Variants in SLX4IP observed in about 807,000 individuals in gnomAD.
SLX4IP encodes the protein protein SLX4IP.
SLX4IP carries 34 observed loss-of-function variants against 32.9 expected under a neutral mutation model. The observed-to-expected ratio is 1.03, with a 90% CI of 0.79 to 1.38. The LOEUF is 1.38. Among genes scored for constraint, SLX4IP ranks in the 40% most tolerant of loss-of-function variants. The probability of loss-of-function intolerance (pLI) is 0.00; values close to 1 mark genes in which losing one functional copy is unlikely to be tolerated. For missense variants in SLX4IP, 444 were observed against 479.0 expected, an observed-to-expected ratio of 0.93 and a Z score of 0.68; for synonymous variants, 172 against 171.7, an observed-to-expected ratio of 1.00 and a Z score of -0.01.
At chr20:10,592,353 C>T (rs865842912) in intron 4 of SLX4IP, among the ~76,000 whole-genome samples, 1 of 151,830 alleles carries the variant, frequency 6.6e-6, no homozygotes, top group Non-Finnish European at 1.5e-5. Flanking sequence ...CCAACCCCCC[C>T]CCATCACCAG....
intron 1 of SLX4IP, among the ~76,000 whole-genome samples, chr20:10,452,608 G>A (rs151016063): frequency 0.059 from 8,908 of 149,780 alleles, 315 homozygotes; most frequent in Admixed American, 0.086. Flanking sequence ...AGAGGTTGCA[G>A]TGAGCTGAGA....
chr20:10,612,365 C>T (rs1461284222), intron 6 of SLX4IP, among the ~76,000 whole-genome samples: 2 of 152,202 alleles, frequency 1.3e-5, no homozygotes, highest in East Asian at 1.9e-4. Context: ...CTCCGTTTCA[C>T]CTCTGTGCTG....
chr20:10,438,345 A>G (rs1452901687), intron 1 of SLX4IP, among the ~76,000 whole-genome samples: 1 of 152,078 alleles, frequency 6.6e-6, no homozygotes, highest in Non-Finnish European at 1.5e-5. Flanking sequence ...CATCAAGATA[A>G]TGAAGGTATC....
At chr20:10,579,915 A>T (rs1272968621) in intron 4 of SLX4IP, among the ~76,000 whole-genome samples, 3 of 152,192 alleles carry the variant, frequency 2.0e-5, no homozygotes, top group African/African-American at 7.2e-5. Flanking sequence ...CAGTGCAAAC[A>T]TGATTTTAAA....
intron 2 of SLX4IP, among the ~76,000 whole-genome samples, chr20:10,518,850 G>A (rs1418815098): frequency 1.3e-5 from 2 of 152,134 alleles, no homozygotes; most frequent in South Asian, 2.1e-4. Context: ...GATTACAGGT[G>A]TGAGCTACCA....
At chr20:10,597,233 G>C (rs117652816) in intron 4 of SLX4IP, among the ~76,000 whole-genome samples, 3,121 of 152,282 alleles carry the variant, frequency 0.02, 41 homozygotes, top group Non-Finnish European at 0.033. Flanking sequence ...ATTACTTCCT[G>C]CAACTCTTGG....
intron 2 of SLX4IP, among the ~76,000 whole-genome samples, chr20:10,509,678 C>A (rs1041155321): frequency 1.3e-5 from 2 of 151,864 alleles, no homozygotes; most frequent in African/African-American, 4.8e-5. Flanking sequence ...GTTGGTCCCG[C>A]ATTGGGATGA....
intron 1 of SLX4IP, among the ~76,000 whole-genome samples, chr20:10,450,733 T>C (rs920639670): frequency 1.3e-5 from 2 of 152,230 alleles, no homozygotes; most frequent in Admixed American, 6.5e-5. Flanking sequence ...TAATTATCAA[T>C]ACTCATCGAA....
intron 1 of SLX4IP, among the ~76,000 whole-genome samples, chr20:10,444,169 G>A (rs1234674442): frequency 1.1e-5 from 1 of 87,464 alleles, no homozygotes. Context: ...GGAAGTACAA[G>A]GATAGAGATT....
chr20:10,437,083 T>G (rs899318986), intron 1 of SLX4IP, among the ~76,000 whole-genome samples: 2 of 152,152 alleles, frequency 1.3e-5, no homozygotes, highest in Non-Finnish European at 2.9e-5. Context: ...CAAAGCTTTT[T>G]GTGGCACCTT....
At chr20:10,562,780 A>T (rs1187008057) in intron 4 of SLX4IP, among the ~76,000 whole-genome samples, 1 of 152,196 alleles carries the variant, frequency 6.6e-6, no homozygotes, top group African/African-American at 2.4e-5. Context: ...TCCATTGTGT[A>T]TACATACAGC....
At chr20:10,488,870 A>G (rs1368803101) in intron 2 of SLX4IP, among the ~76,000 whole-genome samples, 2 of 152,202 alleles carry the variant, frequency 1.3e-5, no homozygotes, top group South Asian at 2.1e-4. Context: ...TCAAGTTGAC[A>G]CACTGAACAA....
intron 2 of SLX4IP, among the ~76,000 whole-genome samples, chr20:10,519,707 T>TA (rs1313022104): frequency 2.0e-5 from 3 of 152,252 alleles, no homozygotes; most frequent in Non-Finnish European, 4.4e-5. Context: ...TGTATATTCT[T>TA]ACATGCTTTC....
chr20:10,448,397 T>C (rs1210680670), intron 1 of SLX4IP, among the ~76,000 whole-genome samples: 1 of 152,224 alleles, frequency 6.6e-6, no homozygotes, highest in Non-Finnish European at 1.5e-5. Flanking sequence ...AATTAAATGC[T>C]GAGGCTTAAA....
In SLX4IP at chr20:10,627,202, G is replaced by A. The variant is rs775165688; in HGVS notation, c.*3823G>A. ...CTCAAAGTTCTCTTTTCAGCGTGCT[G>A]TGACTTGAATATGGAAATCATTTTA... On this transcript the variant is annotated 3_prime_UTR_variant, in exon 8 of 8. Coordinates refer to ENST00000334534, the MANE Select transcript of SLX4IP (RefSeq NM_001009608.3). 1 of 152,200 alleles carries A rather than the reference G, an allele frequency of 6.6e-6. No homozygotes were observed. Among genetic ancestry groups the A allele is most frequent in the Non-Finnish European group, 1.5e-5 (1 of 68,034 alleles). The allele number at this position is 152,200 out of a possible 1,614,324, so 9.4% of individuals were successfully genotyped here.
chr20:10,516,822 G>A (rs1478445685), intron 2 of SLX4IP, among the ~76,000 whole-genome samples: 2 of 152,140 alleles, frequency 1.3e-5, no homozygotes, highest in African/African-American at 4.8e-5. Context: ...AAAAATGTCT[G>A]GGCTGTTATA....
intron 2 of SLX4IP, among the ~76,000 whole-genome samples, chr20:10,502,125 G>A (rs1674133547): frequency 6.6e-6 from 1 of 152,176 alleles, no homozygotes; most frequent in South Asian, 2.1e-4. Context: ...CACTGGCAAA[G>A]ATTTGTAATC....
chr20:10,626,190 ATTTTTTTTTTT>A lies in SLX4IP; in HGVS notation c.*2826_*2836del, dbSNP rs71186105. 1.0e-4 allele frequency: 8 copies of A among 77,056 alleles called. No individual in the cohort carries two copies. The East Asian group carries it at 3.6e-3, about 35-fold the overall frequency. The allele number at this position is 77,056 out of a possible 1,614,324, so 4.8% of individuals were successfully genotyped here. The stretch of plus-strand genomic sequence containing the variant: ...CCACCACGCCCGGCTAATTTTTTGT[ATTTTTTTTTTT>A]TTTTTTTTTTTTTTAGCAGAAACGG... On this transcript the variant is annotated 3_prime_UTR_variant, in exon 8 of 8. Transcript: ENST00000334534.
chr20:10,605,127 T>A (rs190964104), intron 6 of SLX4IP, among the ~76,000 whole-genome samples: 14 of 152,370 alleles, frequency 9.2e-5, no homozygotes, highest in African/African-American at 2.9e-4. Flanking sequence ...TTATTTATTA[T>A]TTCTTTGTTA....
Sources: allele counts gnomAD v4.1 joint callset (sites outside exome capture counted in the v4.1 genomes callset), GRCh38; gene constraint gnomAD v4.1.1; transcripts MANE v1.5; gene names NCBI Gene and HGNC (gene_info 2026-07-23, HGNC 2026-07-21).